The following PRKAR2B variants were observed in gnomAD, a reference collection of about 807,000 sequenced individuals.
The protein encoded by PRKAR2B is cAMP-dependent protein kinase type II-beta regulatory subunit.
In PRKAR2B, 14 loss-of-function variants were observed where a neutral mutation model predicts 49.9. The ratio of observed to expected loss-of-function variants is 0.28; its 90% CI spans 0.19 to 0.44. PRKAR2B has a LOEUF of 0.44. Among genes scored for constraint, PRKAR2B ranks in the 20% least tolerant of loss-of-function variants. The probability of loss-of-function intolerance (pLI) is 1.00; values close to 1 mark genes in which losing one functional copy is unlikely to be tolerated. For missense variants in PRKAR2B, 393 were observed against 537.9 expected, an observed-to-expected ratio of 0.73 and a Z score of 2.67; for synonymous variants, 196 against 197.7, an observed-to-expected ratio of 0.99 and a Z score of 0.07.
Position 107,129,714 on chromosome 7 carries a change from G to T in PRKAR2B, c.480+1419G>T, listed in dbSNP as rs142188667. On this transcript the variant is annotated intron_variant, in intron 4 of 10. Coordinates refer to ENST00000265717, the MANE Select transcript of PRKAR2B (RefSeq NM_002736.3). Reference sequence around the variant, plus strand: ...AGACAGAGCAGCCCCGAGAGCTGCTGGTTGCCCATTTTTATGGTTATTTCT... The same window carrying T: ...AGACAGAGCAGCCCCGAGAGCTGCTTGTTGCCCATTTTTATGGTTATTTCT... Among the ~76,000 whole-genome samples, 1,385 of 152,306 alleles carry T rather than the reference G, an allele frequency of 9.1e-3. 25 individuals carry two copies. Among genetic ancestry groups the T allele is most frequent in the African/African-American group, 0.032 (1,326 of 41,556 alleles).
intron 4 of PRKAR2B, among the ~76,000 whole-genome samples, chr7:107,136,680 G>C (rs1795707565): frequency 6.6e-6 from 1 of 152,176 alleles, no homozygotes; most frequent in Non-Finnish European, 1.5e-5. Context: ...GAACATAGGT[G>C]GTTCAACAAC....
chr7:107,102,199 T>G (rs981981516), intron 2 of PRKAR2B, among the ~76,000 whole-genome samples: 1 of 152,116 alleles, frequency 6.6e-6, no homozygotes, highest in Admixed American at 6.6e-5. Flanking sequence ...AGAGCGAGAC[T>G]CCGTCTCAAA....
chr7:107,123,288 T>A (rs1275501906), intron 3 of PRKAR2B, among the ~76,000 whole-genome samples: 1 of 152,220 alleles, frequency 6.6e-6, no homozygotes, highest in Non-Finnish European at 1.5e-5. Flanking sequence ...TTAGCTGCCA[T>A]TTAATTGATG....
At chr7:107,065,752 A>G (rs1794125402) in intron 1 of PRKAR2B, among the ~76,000 whole-genome samples, 1 of 152,160 alleles carries the variant, frequency 6.6e-6, no homozygotes, top group African/African-American at 2.4e-5. Flanking sequence ...TTCTGCAGGT[A>G]TTTACTCAGC....
At chr7:107,087,506 T>G (rs1794643760) in intron 2 of PRKAR2B, among the ~76,000 whole-genome samples, 1 of 152,176 alleles carries the variant, frequency 6.6e-6, no homozygotes, top group Non-Finnish European at 1.5e-5. Flanking sequence ...TATTAAATCA[T>G]TTTATTATTT....
chr7:107,117,035 C>G (rs747576223), intron 2 of PRKAR2B, among the ~76,000 whole-genome samples: 5 of 150,402 alleles, frequency 3.3e-5, no homozygotes, highest in Non-Finnish European at 7.4e-5. Context: ...ATTATCATCC[C>G]CTACCCCCAG....
chr7:107,116,955 GTA>G (rs58330688), intron 2 of PRKAR2B, among the ~76,000 whole-genome samples: 52 of 142,572 alleles, frequency 3.6e-4, no homozygotes, highest in South Asian at 2.4e-3. Context: ...GTGTGTGTGT[GTA>G]TATATATATA....
At chr7:107,069,235 C>T (rs1212937616) in intron 1 of PRKAR2B, among the ~76,000 whole-genome samples, 4 of 152,154 alleles carry the variant, frequency 2.6e-5, no homozygotes, top group Non-Finnish European at 5.9e-5. Flanking sequence ...TGTGCCTGGC[C>T]GAAGGTGCTG....
chr7:107,128,256 G>A lies in PRKAR2B; in HGVS notation c.441G>A (p.Glu147=). 6.2e-7 allele frequency: 1 copy of A among 1,612,902 alleles called. No homozygotes were observed. ...KTDDQRNRLQ[E]ACKDILLFKN... ...ATGATCAAAGAAATAGGTTGCAAGA[G>A]GCTTGCAAAGACATCCTGCTGTTTA... Residue 147 remains glutamate, a synonymous_variant, in exon 4 of 11, where the codon GAG becomes GAA. Transcript: ENST00000265717.
At chr7:107,135,477 T>C (rs1377429765) in intron 4 of PRKAR2B, among the ~76,000 whole-genome samples, 1 of 152,080 alleles carries the variant, frequency 6.6e-6, no homozygotes, top group Non-Finnish European at 1.5e-5. Flanking sequence ...ATTATCTAAG[T>C]AGAAAATGGG....
intron 2 of PRKAR2B, among the ~76,000 whole-genome samples, chr7:107,112,457 A>T (rs898036492): frequency 2.6e-5 from 4 of 152,110 alleles, no homozygotes; most frequent in Non-Finnish European, 5.9e-5. Flanking sequence ...TAAATTTCCA[A>T]CAAAAAAACA....
chr7:107,146,922 C>A (rs771249743), intron 6 of PRKAR2B, among the ~76,000 whole-genome samples: 2 of 152,196 alleles, frequency 1.3e-5, no homozygotes, highest in Non-Finnish European at 2.9e-5. Context: ...TTCTGACCTA[C>A]TGCATCAGAA....
chr7:107,050,281 T>G (rs558035872), intron 1 of PRKAR2B, among the ~76,000 whole-genome samples: 3 of 150,902 alleles, frequency 2.0e-5, no homozygotes, highest in African/African-American at 7.3e-5. Context: ...CTTTAATTTT[T>G]CTATCAAAAA....
chr7:107,067,357 T>C (rs1210841554), intron 1 of PRKAR2B: 3 of 152,162 alleles, frequency 2.0e-5, no homozygotes, highest in Non-Finnish European at 1.5e-5. Flanking sequence ...GATATGGGCA[T>C]GAGAGATTGG....
intron 2 of PRKAR2B, among the ~76,000 whole-genome samples, chr7:107,089,735 T>C (rs528818379): frequency 3.5e-4 from 54 of 152,352 alleles, no homozygotes; most frequent in East Asian, 2.9e-3. Context: ...GCAGATTTAT[T>C]CATTTGCTCA....
Position 107,095,072 on chromosome 7 carries a change from G to A in PRKAR2B, c.343+24756G>A, listed in dbSNP as rs186954465. On this transcript the variant is annotated intron_variant, in intron 2 of 10. Transcript: ENST00000265717. ...TCATTGGTAGCTTGATTGGGATGGC[G>A]TTGAGTCTGTGAATTACCTTGGGCA... Among the ~76,000 whole-genome samples the A allele has an allele frequency of 6.6e-4, 101 of 152,242 alleles. 1 individual carries two copies. In the East Asian group the frequency reaches 9.1e-3, roughly 14 times the overall value.
intron 4 of PRKAR2B, among the ~76,000 whole-genome samples, chr7:107,136,506 C>T (rs758766951): frequency 6.6e-6 from 1 of 152,088 alleles, no homozygotes; most frequent in South Asian, 2.1e-4. Flanking sequence ...AAGATGTTAA[C>T]AGACACCTCA....
At chr7:107,120,865 CTAATT>C (rs1157930170) in intron 2 of PRKAR2B, among the ~76,000 whole-genome samples, 3 of 151,520 alleles carry the variant, frequency 2.0e-5, no homozygotes, top group Non-Finnish European at 2.9e-5. Flanking sequence ...TATGAAAAAA[CTAATT>C]TAAGTCAAAA....
At chr7:107,070,949 G>A (rs867651550) in intron 2 of PRKAR2B, among the ~76,000 whole-genome samples, 7 of 152,182 alleles carry the variant, frequency 4.6e-5, no homozygotes, top group African/African-American at 9.7e-5. Context: ...TAACAAGGGC[G>A]TACGTTAACT....
Sources: allele counts gnomAD v4.1 joint callset (sites outside exome capture counted in the v4.1 genomes callset), GRCh38; gene constraint gnomAD v4.1.1; transcripts MANE v1.5; gene names NCBI Gene and HGNC (gene_info 2026-07-23, HGNC 2026-07-21).